Variants in TFAP2D observed in about 807,000 individuals in gnomAD.
TFAP2D encodes transcription factor AP-2-delta.
Under a neutral mutation model 43.6 loss-of-function variants are expected in TFAP2D, and 9 were observed. That is an observed-to-expected ratio of 0.21 (90% CI 0.12 to 0.36). TFAP2D has a LOEUF of 0.36. Among genes scored for constraint, TFAP2D ranks in the 10% least tolerant of loss-of-function variants. The pLI is 1.00. For synonymous variants in TFAP2D, 256 were observed against 224.9 expected (o/e 1.14, Z -1.24); for missense variants, 513 against 561.4 (o/e 0.91, Z 0.87).
At chr6:50,715,083 T>C in intron 1 of TFAP2D, 33 bp from the exon 2 acceptor site, 1 of 1,595,144 alleles carries the variant, frequency 6.3e-7, no homozygotes, top group Non-Finnish European at 8.6e-7. Flanking sequence ...CCTCAAGTTT[T>C]TCTGCTCTCC....
At chr6:50,745,938 C>T (rs573372597) in intron 6 of TFAP2D, among the ~76,000 whole-genome samples, 4 of 152,184 alleles carry the variant, frequency 2.6e-5, no homozygotes, top group Admixed American at 1.3e-4. Context: ...TTATAAATTC[C>T]TTGACACTTG....
At chr6:50,741,336 A>C (rs1195684351) in intron 5 of TFAP2D, among the ~76,000 whole-genome samples, 2 of 152,114 alleles carry the variant, frequency 1.3e-5, no homozygotes, top group African/African-American at 4.8e-5. Flanking sequence ...AGTTTGTTAC[A>C]TAGATAAATT....
intron 7 of TFAP2D, among the ~76,000 whole-genome samples, chr6:50,761,550 T>G (rs1769364661): frequency 6.6e-6 from 1 of 152,036 alleles, no homozygotes; most frequent in Admixed American, 6.6e-5. Flanking sequence ...GGTAGAAAGG[T>G]GCTGGATACC....
intron 3 of TFAP2D, 66 bp from the exon 4 acceptor site, chr6:50,728,790 A>C: frequency 1.3e-6 from 2 of 1,520,238 alleles, no homozygotes; most frequent in Non-Finnish European, 1.8e-6. Flanking sequence ...TTTGATGTTA[A>C]CTGCCTCTCA....
chr6:50,761,912 C>T (rs2113892500), intron 7 of TFAP2D, among the ~76,000 whole-genome samples: 1 of 152,052 alleles, frequency 6.6e-6, no homozygotes, highest in Middle Eastern at 3.4e-3. Context: ...AGGCCTTGAC[C>T]ATGAGCAAGA....
At chr6:50,751,374 T>C in intron 7 of TFAP2D, 50 bp downstream of exon 7, 1 of 1,237,800 alleles carries the variant, frequency 8.1e-7, no homozygotes, top group Non-Finnish European at 1.2e-6. Context: ...CCCAGATGCT[T>C]GTATTCCTAT....
rs768919897 is a variant in TFAP2D at position 50,745,131 on chromosome 6, A to G, written c.908A>G (p.Asp303Gly). Reference sequence around the variant, plus strand: ...GGGGAGGCTTTGCACTTGGCTCGGGATTTTGGCTACACTTGTGAAACAGAG... The same window carrying G: ...GGGGAGGCTTTGCACTTGGCTCGGGGTTTTGGCTACACTTGTGAAACAGAG... ...VEGEALHLARDFGYTCETEFP... is the reference protein window; with the variant it reads ...VEGEALHLARGFGYTCETEFP... The change falls in exon 6 of 8, where the codon GAT becomes GGT. Residue 303 changes from aspartate (D) to glycine (G), a missense_variant. Asp to Gly is a moderately conservative substitution (Grantham distance 94, BLOSUM62 -1). Coordinates refer to ENST00000008391, the MANE Select transcript of TFAP2D (RefSeq NM_172238.4). The G allele has an allele frequency of 6.2e-7, 1 of 1,613,668 alleles. No individual in the cohort carries two copies. The highest frequency in any genetic ancestry group is 1.7e-5 in the Admixed American group (1 of 59,908).
intron 5 of TFAP2D, among the ~76,000 whole-genome samples, chr6:50,742,893 C>A (rs764375071): frequency 4.0e-5 from 6 of 150,590 alleles, no homozygotes; most frequent in Non-Finnish European, 8.9e-5. Flanking sequence ...CTCAAATAAT[C>A]TCCCTTCTAT....
At chr6:50,733,579 A>T (rs1289756065) in intron 5 of TFAP2D, among the ~76,000 whole-genome samples, 2 of 152,128 alleles carry the variant, frequency 1.3e-5, no homozygotes, top group East Asian at 3.9e-4. Flanking sequence ...TAATATCATA[A>T]TTCTAGTTTT....
intron 5 of TFAP2D, among the ~76,000 whole-genome samples, chr6:50,742,425 G>A (rs909646577): frequency 6.6e-6 from 1 of 152,046 alleles, no homozygotes; most frequent in Non-Finnish European, 1.5e-5. Context: ...AGATCCGCAG[G>A]AATCAGGTTT....
At chr6:50,745,346 C>G in intron 6 of TFAP2D, 98 bp downstream of exon 6, 1 of 1,522,676 alleles carries the variant, frequency 6.6e-7, no homozygotes, top group Non-Finnish European at 8.9e-7. Context: ...CACCCGTTCT[C>G]TAAAACAAGG....
At chr6:50,761,078 T>C (rs1769355641) in intron 7 of TFAP2D, among the ~76,000 whole-genome samples, 2 of 151,642 alleles carry the variant, frequency 1.3e-5, no homozygotes, top group African/African-American at 4.8e-5. Context: ...GTTTGCATCC[T>C]TCCCAGAGGG....
Position 50,715,413 on chromosome 6 carries a change from TTTA to T in TFAP2D, c.341_343del (p.Ile114del), listed in dbSNP as rs768677041. The T allele has an allele frequency of 6.2e-7, 1 of 1,614,130 alleles. No individual in the cohort carries two copies. The highest frequency in any genetic ancestry group is 8.5e-7 in the Non-Finnish European group (1 of 1,180,032). ...GATCCACCACGGGGAGCCCACCGAC[TTTA>T]TTAACCTGCACAATGCGCGGGCGCT... On this transcript the variant is annotated inframe_deletion, in exon 2 of 8. Coordinates refer to ENST00000008391, the MANE Select transcript of TFAP2D (RefSeq NM_172238.4).
In TFAP2D at chr6:50,745,088, T is replaced by C. The variant is rs760442106; in HGVS notation, c.884-19T>C. 3.3e-5 allele frequency: 54 copies of C among 1,612,664 alleles called. No individual in the cohort carries two copies. The highest frequency in any genetic ancestry group is 4.3e-5 in the Non-Finnish European group (51 of 1,179,458). On this transcript the variant is annotated intron_variant, in intron 5 of 7. Coordinates refer to ENST00000008391, the MANE Select transcript of TFAP2D (RefSeq NM_172238.4). ...GGTTGGATACTGGTGAGAAACTCAC[T>C]TGTGTTATCTGCCAACAGGGGAGGC...
At chr6:50,750,290 T>A (rs1424226598) in intron 6 of TFAP2D, among the ~76,000 whole-genome samples, 1 of 151,946 alleles carries the variant, frequency 6.6e-6, no homozygotes, top group East Asian at 1.9e-4. Flanking sequence ...TTTTTGCGAC[T>A]GCCCATTGTA....
chr6:50,760,244 C>T (rs1769344504), intron 7 of TFAP2D, among the ~76,000 whole-genome samples: 1 of 151,958 alleles, frequency 6.6e-6, no homozygotes, highest in Non-Finnish European at 1.5e-5. Flanking sequence ...AGTTTATCAT[C>T]CTCTTTTTCC....
intron 5 of TFAP2D, among the ~76,000 whole-genome samples, chr6:50,732,835 T>G (rs1581764118): frequency 6.6e-6 from 1 of 152,106 alleles, no homozygotes; most frequent in Non-Finnish European, 1.5e-5. Context: ...TTTCTATGCT[T>G]GCCTTTGGTT....
At chr6:50,719,514 C>A (rs1028347279) in intron 3 of TFAP2D, among the ~76,000 whole-genome samples, 1 of 144,636 alleles carries the variant, frequency 6.9e-6, no homozygotes, top group Non-Finnish European at 1.5e-5. Context: ...GTTTCTCACA[C>A]CCTCTTCCCC....
intron 5 of TFAP2D, among the ~76,000 whole-genome samples, chr6:50,741,555 G>C (rs970097165): frequency 2.0e-5 from 3 of 152,052 alleles, no homozygotes; most frequent in Non-Finnish European, 4.4e-5. Flanking sequence ...TTCTGTTCCT[G>C]TGTTAGTTTG....
Sources: gnomAD v4.1 joint callset for allele counts (sites outside exome capture counted in the v4.1 genomes callset) on GRCh38, gnomAD v4.1.1 for gene constraint, MANE v1.5 for transcripts, NCBI Gene and HGNC (gene_info 2026-07-23, HGNC 2026-07-21) for gene names.